Variants in INPP5D observed in about 807,000 individuals in gnomAD.
INPP5D encodes inositol polyphosphate-5-phosphatase D, also known as phosphatidylinositol 3,4,5-trisphosphate 5-phosphatase 1.
INPP5D carries 33 observed loss-of-function variants against 122.9 expected under a neutral mutation model. That is an observed-to-expected ratio of 0.27 (90% CI 0.20 to 0.36). The LOEUF (loss-of-function observed/expected upper bound fraction) is 0.36, where lower values mean the gene tolerates loss of function less well. Ranked by LOEUF, INPP5D falls within the 10% of genes least tolerant of loss-of-function variation. The probability of loss-of-function intolerance (pLI) is 1.00; values close to 1 mark genes in which losing one functional copy is unlikely to be tolerated. For missense variants in INPP5D, 1,053 were observed against 1,412.7 expected, an observed-to-expected ratio of 0.75 and a Z score of 4.08; for synonymous variants, 584 against 576.2, an observed-to-expected ratio of 1.01 and a Z score of -0.19.
Position 233,170,259 on chromosome 2 carries a change from T to G in INPP5D, c.1791+95T>G. ...GCAGGTGGTCGTGGAGACATGTGAA[T>G]CAAGTGGGCTGAGGCGGCTGCTCCC... On this transcript the variant is annotated intron_variant, in intron 15 of 26. Transcript: ENST00000445964. This position sits in a 1 kb window ranked among gnomAD's most constrained non-coding sequence, Gnocchi z 4.5. 3 of 1,539,536 alleles carry G rather than the reference T, an allele frequency of 1.9e-6. No homozygotes were observed. Among genetic ancestry groups the G allele is most frequent in the Non-Finnish European group, 2.6e-6 (3 of 1,140,448 alleles).
chr2:233,161,959 C>T, intron 11 of INPP5D, 133 bp downstream of exon 11: 1 of 1,351,140 alleles, frequency 7.4e-7, no homozygotes, highest in Non-Finnish European at 9.8e-7. Flanking sequence ...GCCCCTAAGC[C>T]CCAGCCCACC....
chr2:233,190,614 C>T (rs1473683011), intron 22 of INPP5D, among the ~76,000 whole-genome samples: 2 of 152,230 alleles, frequency 1.3e-5, no homozygotes, highest in Non-Finnish European at 2.9e-5. Context: ...GGTGCCCAGA[C>T]CAGGCAGGCT....
At chr2:233,114,620 G>A (rs1692731516) in intron 2 of INPP5D, among the ~76,000 whole-genome samples, 1 of 152,160 alleles carries the variant, frequency 6.6e-6, no homozygotes, top group Non-Finnish European at 1.5e-5. Flanking sequence ...GGATGCCTGG[G>A]TCAGTGGGCT....
At position 233,171,283 on chromosome 2, in the gene INPP5D, C is replaced by T. The variant is rs1189998864; in HGVS notation, c.1989+131C>T. ...AAGGAAAGAAAAAAATTAGAAAGCA[C>T]ATGTTGATTTGTGTTACAGAGTAAA... On this transcript the variant is annotated intron_variant, in intron 17 of 26. Coordinates refer to ENST00000445964, the MANE Select transcript of INPP5D (RefSeq NM_001017915.3). 10 of 1,388,152 alleles carry T rather than the reference C, an allele frequency of 7.2e-6. No individual in the cohort carries two copies. The African/African-American group carries it at 1.5e-4, about 20-fold the overall frequency. The allele number at this position is 1,388,152 out of a possible 1,614,324, so 86.0% of individuals were successfully genotyped here. A position where few individuals can be genotyped will look rare whatever the true frequency, so the allele number is the denominator to read the frequency against.
At chr2:233,201,606 C>T (rs535439025) in intron 25 of INPP5D, among the ~76,000 whole-genome samples, 2 of 152,350 alleles carry the variant, frequency 1.3e-5, no homozygotes, top group East Asian at 3.9e-4. Flanking sequence ...TGTTTCCCCA[C>T]CATCACCCAG....
intron 2 of INPP5D, among the ~76,000 whole-genome samples, chr2:233,095,903 T>C (rs1417420862): frequency 6.6e-6 from 1 of 152,256 alleles, no homozygotes; most frequent in East Asian, 1.9e-4. Flanking sequence ...TATTTATATT[T>C]GTTTTTGTAA....
At chr2:233,192,550 C>T (rs894008192) in intron 22 of INPP5D, among the ~76,000 whole-genome samples, 1 of 152,150 alleles carries the variant, frequency 6.6e-6, no homozygotes, top group Admixed American at 6.5e-5. Flanking sequence ...ATTCTCCTGC[C>T]CCATCTTTGT....
At chr2:233,171,814 T>G (rs1413558091) in intron 17 of INPP5D, among the ~76,000 whole-genome samples, 1 of 152,080 alleles carries the variant, frequency 6.6e-6, no homozygotes, top group Non-Finnish European at 1.5e-5. Context: ...AGCCAGAATG[T>G]GACAATGCCA....
intron 13 of INPP5D, among the ~76,000 whole-genome samples, chr2:233,165,189 G>A (rs1053298760): frequency 5.3e-5 from 8 of 152,168 alleles, no homozygotes; most frequent in African/African-American, 1.9e-4. Flanking sequence ...TTATGGATGT[G>A]TGTTTGTGAG....
chr2:233,069,587 GA>G (rs1691322162), intron 1 of INPP5D, among the ~76,000 whole-genome samples: 2 of 151,886 alleles, frequency 1.3e-5, no homozygotes, highest in Non-Finnish European at 2.9e-5. Context: ...CATTTAGTTA[GA>G]ATTTCTTCCT....
chr2:233,140,153 A>G (rs925750048), intron 6 of INPP5D: 5 of 339,212 alleles, frequency 1.5e-5, no homozygotes, highest in Non-Finnish European at 2.7e-5. Flanking sequence ...TAAAGATTTC[A>G]AATTATGCAC....
intron 3 of INPP5D, among the ~76,000 whole-genome samples, chr2:233,123,251 C>T (rs763372039): frequency 1.1e-4 from 16 of 152,110 alleles, no homozygotes; most frequent in Non-Finnish European, 1.9e-4. Context: ...GTCAGGAGAT[C>T]GAGACCATCC....
chr2:233,132,041 T>G (rs540874811), intron 5 of INPP5D, among the ~76,000 whole-genome samples: 1 of 152,368 alleles, frequency 6.6e-6, no homozygotes, highest in African/African-American at 2.4e-5. Context: ...GGCTTTCAAC[T>G]AATGCAGCTG....
intron 2 of INPP5D, among the ~76,000 whole-genome samples, chr2:233,110,004 C>T (rs1692574399): frequency 6.6e-6 from 1 of 151,952 alleles, no homozygotes; most frequent in Non-Finnish European, 1.5e-5. Context: ...CCCATTTCAG[C>T]CTCCCAAGTA....
intron 18 of INPP5D, among the ~76,000 whole-genome samples, chr2:233,178,298 T>C (rs971072667): frequency 2.0e-5 from 3 of 152,074 alleles, no homozygotes; most frequent in Non-Finnish European, 2.9e-5. Flanking sequence ...TGTTAACTCT[T>C]GACCCTCAAA....
Position 233,128,803 on chromosome 2 carries a change from G to A in INPP5D, c.525-1705G>A, listed in dbSNP as rs573242100. On this transcript the variant is annotated intron_variant, in intron 4 of 26. Coordinates refer to ENST00000445964, the MANE Select transcript of INPP5D (RefSeq NM_001017915.3). This position sits in a 1 kb window ranked among gnomAD's most constrained non-coding sequence, Gnocchi z 4.5. ...ATTCCTGTCCAATCTTAAGAGCAAC[G>A]GCTTTTCATTCTTTCACAGATTCCA... is the stretch of plus-strand genomic sequence containing the variant. Among the ~76,000 whole-genome samples, 2 of 152,206 alleles carry A rather than the reference G, an allele frequency of 1.3e-5. No individual in the cohort carries two copies. The highest frequency in any genetic ancestry group is 2.1e-4 in the South Asian group (1 of 4,824).
Position 233,158,371 on chromosome 2 carries a change from A to G in INPP5D, c.1089A>G (p.Thr363=), listed in dbSNP as rs148118779. ...ATAAGTTGGTGATCTTGGTGGAAAC[A>G]GAGAAGGAGAAGATCCTGCGGAAGG... ...FLNKLVILVE[T]EKEKILRKEY... is the part of the protein sequence containing the mutation. The change falls in exon 10 of 27, where the codon ACA becomes ACG. Residue 363 remains threonine (T), a synonymous_variant. Transcript: ENST00000445964. 0.12 allele frequency: 87,756 copies of G among 703,416 alleles called. 6,508 individuals are homozygous for G. Among genetic ancestry groups the G allele is most frequent in the Middle Eastern group, 0.21 (935 of 4,366 alleles). 43.6% of individuals were successfully genotyped at this position (703,416 alleles called of 1,614,324 possible).
chr2:233,198,676 C>T (rs1695250457), intron 25 of INPP5D, among the ~76,000 whole-genome samples: 1 of 152,248 alleles, frequency 6.6e-6, no homozygotes. Flanking sequence ...TTGGGCCGGG[C>T]ATGGTGGCTC....
At chr2:233,095,636 A>C (rs1037427770) in intron 2 of INPP5D, among the ~76,000 whole-genome samples, 2 of 111,266 alleles carry the variant, frequency 1.8e-5, no homozygotes, top group Non-Finnish European at 3.9e-5. Context: ...AAAAAAAAAA[A>C]AAAAAAACAA....
Sources: gnomAD v4.1 joint callset for allele counts (sites outside exome capture counted in the v4.1 genomes callset) on GRCh38, gnomAD v4.1.1 for gene constraint, Gnocchi (gnomAD v3.1) non-coding constraint, MANE v1.5 for transcripts, NCBI Gene and HGNC (gene_info 2026-07-23, HGNC 2026-07-21) for gene names.